Variants in KCNQ1 observed in about 807,000 individuals in gnomAD.
KCNQ1 encodes the protein potassium voltage-gated channel subfamily Q member 1.
A neutral mutation model predicts 72.4 loss-of-function variants in KCNQ1; 49 were observed. The observed-to-expected ratio is 0.68, with a 90% CI of 0.54 to 0.86. The LOEUF is 0.86. KCNQ1 is among the 40% of genes least tolerant of loss of function. The probability of loss-of-function intolerance (pLI) is 0.00; values close to 1 mark genes in which losing one functional copy is unlikely to be tolerated. For missense variants in KCNQ1, 790 were observed against 945.1 expected, an observed-to-expected ratio of 0.84 and a Z score of 2.15; for synonymous variants, 450 against 412.6, an observed-to-expected ratio of 1.09 and a Z score of -1.10.
rs1847778400 is a variant in KCNQ1, at chr11:2,538,887, A to C, written c.477+10869A>C. 2.6e-5 allele frequency among the ~76,000 whole-genome samples: 4 copies of C among 151,932 alleles called. No individual in the cohort carries two copies. The South Asian group carries it at 8.3e-4, about 32-fold the overall frequency. On this transcript the variant is annotated intron_variant, in intron 2 of 15. Transcript: ENST00000155840. The surrounding 1 kb of genome is among the most constrained non-coding windows in gnomAD (Gnocchi z 6.7). ...CAAGATTTTTTAAACCTTCTCCAAA[A>C]ACACGTAACCCGATTCTGTCCAAGC...
chr11:2,466,541 C>G (rs1207499995), intron 1 of KCNQ1, among the ~76,000 whole-genome samples: 2 of 152,086 alleles, frequency 1.3e-5, no homozygotes, highest in African/African-American at 2.4e-5. Context: ...GAGTGGGGTT[C>G]AAGATGCTAT....
In KCNQ1 at chr11:2,669,102, T is replaced by G. The variant is rs1850136299; in HGVS notation, c.1514+7021T>G. The G allele has an allele frequency of 2.5e-6, 1 of 398,592 alleles. No homozygotes were observed. The highest frequency in any genetic ancestry group is 4.4e-5 in the Admixed American group (1 of 22,722). 24.7% of individuals were successfully genotyped at this position (398,592 alleles called of 1,614,324 possible). On this transcript the variant is annotated intron_variant, in intron 11 of 15. Transcript: ENST00000155840. This position sits in a 1 kb window ranked among gnomAD's most constrained non-coding sequence, Gnocchi z 5.6. The stretch of plus-strand genomic sequence containing the variant: ...ATCAGTGTCTTTACAATCAGCTCAC[T>G]GGCTACGTGTGGCTCTGTTTCTGGA...
In KCNQ1 at chr11:2,453,373, CAG is replaced by C. The variant is rs1846142487; in HGVS notation, c.386+7890_386+7891del. Among the ~76,000 whole-genome samples, 3 of 140,770 alleles carry C rather than the reference CAG, an allele frequency of 2.1e-5. No individual in the cohort carries two copies. The South Asian group carries it at 6.7e-4, about 32-fold the overall frequency. 92.4% of individuals were successfully genotyped at this position (140,770 alleles called of 152,430 possible). The stretch of plus-strand genomic sequence containing the variant: ...GGGCAATAAGAGTGAAATTCCATCT[CAG>C]GGAAAAAAAAAAATCTTAATGGGAA... On this transcript the variant is annotated intron_variant, in intron 1 of 15. Coordinates refer to ENST00000155840, the MANE Select transcript of KCNQ1 (RefSeq NM_000218.3).
intron 15 of KCNQ1, among the ~76,000 whole-genome samples, chr11:2,833,661 G>A (rs1848001128): frequency 6.6e-6 from 1 of 152,248 alleles, no homozygotes. Flanking sequence ...AGGCAAAATG[G>A]AGGTTCAGAG....
rs1175097411 is a variant in KCNQ1, at chr11:2,759,629, C to T, written c.1515-9215C>T. 6.6e-6 allele frequency among the ~76,000 whole-genome samples: 1 copy of T among 152,322 alleles called. No individual in the cohort carries two copies. The highest frequency in any genetic ancestry group is 2.4e-5 in the African/African-American group (1 of 41,564). On this transcript the variant is annotated intron_variant, in intron 11 of 15. Transcript: ENST00000155840. This position sits in a 1 kb window ranked among gnomAD's most constrained non-coding sequence, Gnocchi z 4.4. The stretch of plus-strand genomic sequence containing the variant: ...TTATTTCCTTATTTTCTTTCCATCT[C>T]CACTCCCAGGCAAAGCTGATAAATT...
intron 2 of KCNQ1, among the ~76,000 whole-genome samples, chr11:2,554,983 C>A (rs1213876936): frequency 6.6e-6 from 1 of 152,160 alleles, no homozygotes; most frequent in Non-Finnish European, 1.5e-5. Context: ...CTAGACAGGC[C>A]CGTGTGCACA....
At position 2,842,789 on chromosome 11, in the gene KCNQ1, G is replaced by A. The variant is rs534930604; in HGVS notation, c.1795-4978G>A. On this transcript the variant is annotated intron_variant, in intron 15 of 15. Transcript: ENST00000155840. ...GGAATCCCTAATGATCATGGCCATC[G>A]GGTGGCTCGCAGTGCACTGAGCACC... 5.3e-5 allele frequency among the ~76,000 whole-genome samples: 8 copies of A among 152,274 alleles called. No individual in the cohort carries two copies. In the South Asian group the frequency reaches 8.3e-4, roughly 16 times the overall value.
chr11:2,657,270 T>G lies in KCNQ1; in HGVS notation c.1394-4691T>G, dbSNP rs1849866505. The G allele has an allele frequency of 2.5e-6, 1 of 398,654 alleles. No homozygotes were observed. Among genetic ancestry groups the G allele is most frequent in the East Asian group, 3.6e-5 (1 of 28,080 alleles). 24.7% of individuals were successfully genotyped at this position (398,654 alleles called of 1,614,324 possible). ...TTCTCACACAGAAGCCTTGAGATTT[T>G]TATTAAGATTTGGAGAGATTTATTC... On this transcript the variant is annotated intron_variant, in intron 10 of 15. Transcript: ENST00000155840. The surrounding 1 kb of genome is among the most constrained non-coding windows in gnomAD (Gnocchi z 4.8).
chr11:2,665,685 A>T (rs952138681), intron 11 of KCNQ1: 2 of 398,180 alleles, frequency 5.0e-6, no homozygotes, highest in Non-Finnish European at 8.8e-6. Flanking sequence ...GAATGGTGCC[A>T]GGAGGGAGAA....
chr11:2,488,770 A>G lies in KCNQ1; in HGVS notation c.387-39158A>G, dbSNP rs1039386527. ...AGTCCATCTAGCTAAAGGTTTGTCA[A>G]TTCTTAAAATCTTTTCAGAGAAGCA... On this transcript the variant is annotated intron_variant, in intron 1 of 15. Transcript: ENST00000155840. This position sits in a 1 kb window ranked among gnomAD's most constrained non-coding sequence, Gnocchi z 5.1. 1.3e-5 allele frequency among the ~76,000 whole-genome samples: 2 copies of G among 152,124 alleles called. No individual in the cohort carries two copies. The highest frequency in any genetic ancestry group is 4.1e-4 in the South Asian group (2 of 4,828).
At chr11:2,726,237 C>T (rs552145659) in intron 11 of KCNQ1, among the ~76,000 whole-genome samples, 9 of 152,318 alleles carry the variant, frequency 5.9e-5, no homozygotes, top group Admixed American at 5.2e-4. Context: ...AGCTCGCTCA[C>T]GAGATGTGTG....
At position 2,848,045 on chromosome 11, in the gene KCNQ1, G is replaced by A. The variant is rs753980784; in HGVS notation, c.*42G>A. 14 of 1,478,152 alleles carry A rather than the reference G, an allele frequency of 9.5e-6. No individual in the cohort carries two copies. The Admixed American group carries it at 1.4e-4, about 15-fold the overall frequency. 91.6% of individuals were successfully genotyped at this position (1,478,152 alleles called of 1,614,324 possible). The stretch of plus-strand genomic sequence containing the variant: ...GGGGATGGGCCTGAGTGAGAGGGGA[G>A]GCCAAGAGTGGCCCCACCTGGCCCT... On this transcript the variant is annotated 3_prime_UTR_variant, in exon 16 of 16. Transcript: ENST00000155840.
At chr11:2,574,493 G>T (rs1438222174) in intron 6 of KCNQ1, among the ~76,000 whole-genome samples, 1 of 152,194 alleles carries the variant, frequency 6.6e-6, no homozygotes, top group Non-Finnish European at 1.5e-5. Context: ...GCAGCCGTGG[G>T]AAACACGTGG....
At position 2,524,902 on chromosome 11, in the gene KCNQ1, G is replaced by A. The variant is rs534336908; in HGVS notation, c.387-3026G>A. Among the ~76,000 whole-genome samples, 12 of 152,320 alleles carry A rather than the reference G, an allele frequency of 7.9e-5. No homozygotes were observed. The South Asian group carries it at 2.5e-3, about 32-fold the overall frequency. On this transcript the variant is annotated intron_variant, in intron 1 of 15. Coordinates refer to ENST00000155840, the MANE Select transcript of KCNQ1 (RefSeq NM_000218.3). ...CTGCACGCCGTGGGCCTGGGGAGCAGGCAGGTGGCATCTTCTGCCCCGGGC... is the reference window on the plus strand; with the variant it reads ...CTGCACGCCGTGGGCCTGGGGAGCAAGCAGGTGGCATCTTCTGCCCCGGGC...
rs1041818618 is a variant in KCNQ1 at position 2,736,518 on chromosome 11, G to A, written c.1515-32326G>A. On this transcript the variant is annotated intron_variant, in intron 11 of 15. Coordinates refer to ENST00000155840, the MANE Select transcript of KCNQ1 (RefSeq NM_000218.3). The stretch of plus-strand genomic sequence containing the variant: ...AAGGTGCACTTTGGGGATGGGAGGC[G>A]CTAGGTGCCAATGGCCCTAGGAGGG... Among the ~76,000 whole-genome samples the A allele has an allele frequency of 5.9e-5, 9 of 152,150 alleles. No individual in the cohort carries two copies. The East Asian group carries it at 9.6e-4, about 16-fold the overall frequency.
chr11:2,662,119 G>T, intron 11 of KCNQ1, 38 bp downstream of exon 11: 1 of 1,613,620 alleles, frequency 6.2e-7, no homozygotes, highest in Non-Finnish European at 8.5e-7. Context: ...TGGGCTGGAG[G>T]GGACTGGAGC....
At chr11:2,505,858 A>G (rs569097097) in intron 1 of KCNQ1, among the ~76,000 whole-genome samples, 42 of 152,088 alleles carry the variant, frequency 2.8e-4, no homozygotes, top group African/African-American at 9.6e-4. Context: ...TTCACTTTCA[A>G]TCTTTTTGTG....
chr11:2,787,610 A>G lies in KCNQ1; in HGVS notation c.1794+9573A>G, dbSNP rs915154240. ...TAATATATTTTATTTAACCCAATAGATCCAAAATATCATTTCAATATATAA... is the reference window on the plus strand; with the variant it reads ...TAATATATTTTATTTAACCCAATAGGTCCAAAATATCATTTCAATATATAA... On this transcript the variant is annotated intron_variant, in intron 15 of 15. Transcript: ENST00000155840. The surrounding 1 kb of genome is among the most constrained non-coding windows in gnomAD (Gnocchi z 6.3). Among the ~76,000 whole-genome samples, 1 of 152,194 alleles carries G rather than the reference A, an allele frequency of 6.6e-6. No individual in the cohort carries two copies. The highest frequency in any genetic ancestry group is 2.4e-5 in the African/African-American group (1 of 41,454).
Position 2,801,629 on chromosome 11 carries a change from C to T in KCNQ1, c.1794+23592C>T, listed in dbSNP as rs533620462. On this transcript the variant is annotated intron_variant, in intron 15 of 15. Coordinates refer to ENST00000155840, the MANE Select transcript of KCNQ1 (RefSeq NM_000218.3). ...AATATTTATCACCTCCTAAAGGCCT[C>T]GTCTCCAAACACAGTCACATTGGGG... Among the ~76,000 whole-genome samples the T allele has an allele frequency of 3.9e-5, 6 of 152,332 alleles. No homozygotes were observed. The East Asian group carries it at 9.6e-4, about 24-fold the overall frequency.
Sources: gnomAD v4.1 joint callset for allele counts (sites outside exome capture counted in the v4.1 genomes callset) on GRCh38, gnomAD v4.1.1 for gene constraint, Gnocchi (gnomAD v3.1) non-coding constraint, MANE v1.5 for transcripts, NCBI Gene and HGNC (gene_info 2026-07-23, HGNC 2026-07-21) for gene names.